The following BMP6 variants were observed in gnomAD, a reference collection of about 807,000 sequenced individuals.
BMP6 encodes the protein bone morphogenetic protein 6.
BMP6 carries 17 observed loss-of-function variants against 54.1 expected under a neutral mutation model. That is an observed-to-expected ratio of 0.31 (90% CI 0.22 to 0.47). The LOEUF (loss-of-function observed/expected upper bound fraction) is 0.47. Among genes scored for constraint, BMP6 ranks in the 20% least tolerant of loss-of-function variants. BMP6 has a pLI of 1.00. For synonymous variants in BMP6, 328 were observed against 291.2 expected (o/e 1.13, Z -1.28); for missense variants, 720 against 690.4 (o/e 1.04, Z -0.48).
At chr6:7,856,812 G>C (rs1327562989) in intron 2 of BMP6, among the ~76,000 whole-genome samples, 1 of 151,416 alleles carries the variant, frequency 6.6e-6, no homozygotes, top group East Asian at 1.9e-4. Context: ...TAGCCGGGAT[G>C]GTCTCGATCT....
At chr6:7,827,268 C>A (rs762033068) in intron 1 of BMP6, among the ~76,000 whole-genome samples, 1 of 152,140 alleles carries the variant, frequency 6.6e-6, no homozygotes, top group Non-Finnish European at 1.5e-5. Context: ...GAAAACAGCA[C>A]GTTAAGTGAG....
At chr6:7,736,305 TAAA>T (rs1177281880) in intron 1 of BMP6, among the ~76,000 whole-genome samples, 3 of 152,252 alleles carry the variant, frequency 2.0e-5, no homozygotes, top group African/African-American at 4.8e-5. Flanking sequence ...GGGAGTAAAA[TAAA>T]GAAGCCTGAA....
At chr6:7,790,570 T>C (rs927352334) in intron 1 of BMP6, among the ~76,000 whole-genome samples, 14 of 149,932 alleles carry the variant, frequency 9.3e-5, no homozygotes, top group African/African-American at 3.4e-4. Flanking sequence ...ACAGCTGTTC[T>C]TGTTGGGGTG....
chr6:7,808,131 A>C (rs189606718), intron 1 of BMP6, among the ~76,000 whole-genome samples: 1 of 152,052 alleles, frequency 6.6e-6, no homozygotes, highest in African/African-American at 2.4e-5. Context: ...CGTGTTAGCC[A>C]GGATGGTCTT....
intron 1 of BMP6, among the ~76,000 whole-genome samples, chr6:7,743,037 T>TA (rs936140138): frequency 6.6e-6 from 1 of 152,122 alleles, no homozygotes; most frequent in Non-Finnish European, 1.5e-5. Flanking sequence ...TGGCTTGACA[T>TA]AGACCACAGA....
intron 1 of BMP6, among the ~76,000 whole-genome samples, chr6:7,805,794 A>G (rs985212948): frequency 6.6e-6 from 1 of 152,248 alleles, no homozygotes; most frequent in Non-Finnish European, 1.5e-5. Context: ...TAGAGATGAT[A>G]AAATACTCTA....
intron 1 of BMP6, among the ~76,000 whole-genome samples, chr6:7,734,187 G>A (rs544812886): frequency 1.5e-4 from 23 of 152,180 alleles, no homozygotes; most frequent in Non-Finnish European, 2.9e-4. Context: ...CTGGGGACAC[G>A]TATGCCCCAG....
Position 7,880,533 on chromosome 6 carries a change from G to A in BMP6, c.*190G>A, listed in dbSNP as rs527934449. On this transcript the variant is annotated 3_prime_UTR_variant, in exon 7 of 7. Transcript: ENST00000283147. ...TTTGCTCACTTGGTAAATGACGTGAGTAGTTGTTGGTCTGTAGCAAGCTGA... is the reference window on the plus strand; with the variant it reads ...TTTGCTCACTTGGTAAATGACGTGAATAGTTGTTGGTCTGTAGCAAGCTGA... 2.7e-6 allele frequency: 2 copies of A among 734,084 alleles called. No homozygotes were observed. The highest frequency in any genetic ancestry group is 1.9e-5 in the South Asian group (1 of 53,298). 45.5% of individuals were successfully genotyped at this position (734,084 alleles called of 1,614,324 possible). A position where few individuals can be genotyped will look rare whatever the true frequency, so the allele number is the denominator to read the frequency against.
chr6:7,742,374 C>CGACT (rs1757281376), intron 1 of BMP6, among the ~76,000 whole-genome samples: 1 of 152,190 alleles, frequency 6.6e-6, no homozygotes, highest in South Asian at 2.1e-4. Flanking sequence ...CAAGGAGGCA[C>CGACT]GACTCTTCAC....
chr6:7,727,266 C>A lies in BMP6; in HGVS notation c.311C>A (p.Pro104His), dbSNP rs1181340585. Residue 104 changes from proline (P) to histidine (H), a missense_variant, in exon 1 of 7, where the codon CCC (proline) becomes CAC (histidine). By Grantham distance (77) the Pro-to-His change is moderately conservative (BLOSUM62 -2). Transcript: ENST00000283147. ...RPLHGLQQPQPPALRQQEEQQ... is the reference protein window; with the variant it reads ...RPLHGLQQPQHPALRQQEEQQ... ...CTGCACGGCCTCCAACAGCCGCAGC[C>A]CCCGGCGCTCCGGCAGCAGGAGGAG... 5 of 1,605,750 alleles carry A rather than the reference C, an allele frequency of 3.1e-6. No homozygotes were observed. Among genetic ancestry groups the A allele is most frequent in the Non-Finnish European group, 4.2e-6 (5 of 1,176,776 alleles).
At chr6:7,842,886 A>G (rs569459965) in intron 1 of BMP6, among the ~76,000 whole-genome samples, 2 of 152,356 alleles carry the variant, frequency 1.3e-5, no homozygotes, top group South Asian at 4.1e-4. Context: ...ATTCTTACAC[A>G]TGCTCTCCAG....
At chr6:7,794,945 A>C (rs1417452494) in intron 1 of BMP6, among the ~76,000 whole-genome samples, 1 of 152,216 alleles carries the variant, frequency 6.6e-6, no homozygotes, top group Non-Finnish European at 1.5e-5. Flanking sequence ...GGCTCTCCCT[A>C]TTCTATAGAG....
chr6:7,777,172 G>C (rs899052246), intron 1 of BMP6, among the ~76,000 whole-genome samples: 17 of 152,172 alleles, frequency 1.1e-4, no homozygotes, highest in Admixed American at 9.8e-4. Context: ...CCTTGGAACT[G>C]GCAGGTGCCT....
intron 1 of BMP6, among the ~76,000 whole-genome samples, chr6:7,779,620 G>C (rs573524718): frequency 3.3e-5 from 5 of 152,124 alleles, no homozygotes; most frequent in Admixed American, 2.0e-4. Context: ...GATTACAGGC[G>C]TGAGCCACTG....
chr6:7,810,741 A>T (rs1433478743), intron 1 of BMP6, among the ~76,000 whole-genome samples: 1 of 152,260 alleles, frequency 6.6e-6, no homozygotes, highest in African/African-American at 2.4e-5. Flanking sequence ...TGTATGAAGC[A>T]TGAAAATACA....
chr6:7,813,607 C>T (rs1262121042), intron 1 of BMP6, among the ~76,000 whole-genome samples: 7 of 125,798 alleles, frequency 5.6e-5, no homozygotes, highest in African/African-American at 1.2e-4. Flanking sequence ...CACACCACTG[C>T]GCTCCAGCCA....
chr6:7,765,649 G>A (rs956148882), intron 1 of BMP6, among the ~76,000 whole-genome samples: 3 of 152,232 alleles, frequency 2.0e-5, no homozygotes, highest in African/African-American at 7.2e-5. Context: ...TAGACGGCAA[G>A]CATGTTTCTT....
At chr6:7,846,247 C>G (rs1344396455) in intron 2 of BMP6, among the ~76,000 whole-genome samples, 1 of 152,184 alleles carries the variant, frequency 6.6e-6, no homozygotes, top group Non-Finnish European at 1.5e-5. Context: ...TGCTTCCAGA[C>G]TCCGTAAGGG....
Position 7,856,614 on chromosome 6 carries a change from T to TTTTTTTTTTTTTTTTTTTG in BMP6, c.858-4837_858-4836insTTTTTTTTTTTTTTTTTTG, listed in dbSNP as rs1491363620. Among the ~76,000 whole-genome samples the TTTTTTTTTTTTTTTTTTTG allele has an allele frequency of 4.2e-5, 4 of 95,162 alleles. 1 individual carries two copies. The highest frequency in any genetic ancestry group is 1.6e-4 in the African/African-American group (4 of 25,722). 62.4% of individuals were successfully genotyped at this position (95,162 alleles called of 152,430 possible). A position where few individuals can be genotyped will look rare whatever the true frequency, so the allele number is the denominator to read the frequency against. ...AAGAGCATTTTTTTTTTTTTTTTTTTGAGACGGAGTCTCGCTCTGTCGCCC... is the reference window on the plus strand; with the variant it reads ...AAGAGCATTTTTTTTTTTTTTTTTTTTTTTTTTTTTTTTTTTTTGGAGACGGAGTCTCGCTCTGTCGCCC... On this transcript the variant is annotated intron_variant, in intron 2 of 6. Transcript: ENST00000283147.
Sources: gnomAD v4.1 joint callset for allele counts (sites outside exome capture counted in the v4.1 genomes callset) on GRCh38, gnomAD v4.1.1 for gene constraint, MANE v1.5 for transcripts, NCBI Gene and HGNC (gene_info 2026-07-23, HGNC 2026-07-21) for gene names.